The following GALNT13 variants were observed in gnomAD, a reference collection of about 807,000 sequenced individuals.
GALNT13 encodes polypeptide N-acetylgalactosaminyltransferase 13, also known as UDP-GalNAc:polypeptide N-acetylgalactosaminyltransferase 13.
In GALNT13, 28 loss-of-function variants were observed where a neutral mutation model predicts 64.2. That is an observed-to-expected ratio of 0.44 (90% CI 0.32 to 0.60). The LOEUF (loss-of-function observed/expected upper bound fraction) is 0.60, where lower values mean the gene tolerates loss of function less well. GALNT13 is among the 20% of genes least tolerant of loss of function. GALNT13 has a pLI of 0.05. For synonymous variants in GALNT13, 214 were observed against 224.6 expected (o/e 0.95, Z 0.42); for missense variants, 577 against 669.8 (o/e 0.86, Z 1.53).
At chr2:153,294,292 C>G in the GALNT13 span, among the ~76,000 whole-genome samples, 2 of 152,080 alleles carry the variant, frequency 1.3e-5, no homozygotes, top group Non-Finnish European at 2.9e-5. Flanking sequence ...CCAGGAGTCA[C>G]CTTGCTTCCT....
chr2:154,283,944 A>G (rs1316259489), intron 8 of GALNT13, among the ~76,000 whole-genome samples: 1 of 152,218 alleles, frequency 6.6e-6, no homozygotes, highest in Non-Finnish European at 1.5e-5. Flanking sequence ...TAGGGAGGAC[A>G]TAATAGGTAA....
the GALNT13 span, among the ~76,000 whole-genome samples, chr2:153,462,166 A>G: frequency 6.6e-6 from 1 of 152,010 alleles, no homozygotes; most frequent in Non-Finnish European, 1.5e-5. Flanking sequence ...AGCAGCATGC[A>G]CTTCTGTAAT....
the GALNT13 span, among the ~76,000 whole-genome samples, chr2:153,393,812 G>A: frequency 6.6e-6 from 1 of 152,000 alleles, no homozygotes; most frequent in Non-Finnish European, 1.5e-5. Context: ...GACTGCTCTT[G>A]TACTCAAGAT....
At chr2:153,333,146 C>T in the GALNT13 span, among the ~76,000 whole-genome samples, 3 of 152,252 alleles carry the variant, frequency 2.0e-5, no homozygotes, top group African/African-American at 7.2e-5. Context: ...GAATGGCCGA[C>T]TGTATGCACC....
the GALNT13 span, among the ~76,000 whole-genome samples, chr2:153,566,216 G>T: frequency 8.6e-4 from 131 of 152,072 alleles, 1 homozygote; most frequent in African/African-American, 3.1e-3. Flanking sequence ...TTATGATATG[G>T]CATGGTATAA....
At chr2:153,345,704 TCTTTCTCTCTTTCTG>T in the GALNT13 span, among the ~76,000 whole-genome samples, 7 of 123,906 alleles carry the variant, frequency 5.6e-5, no homozygotes, top group African/African-American at 1.8e-4. Flanking sequence ...TCTTTCTTTC[TCTTTCTCTCTTTCTG>T]TCCTTCCTTC....
chr2:153,622,222 ACACATACATACG>A, the GALNT13 span, among the ~76,000 whole-genome samples: 1 of 152,120 alleles, frequency 6.6e-6, no homozygotes, highest in Non-Finnish European at 1.5e-5. Context: ...TCTAACACAC[ACACATACATACG>A]CAGTGAACTT....
rs145166254 is a variant in GALNT13, at chr2:154,122,658, G to A, written c.143-17679G>A. Among the ~76,000 whole-genome samples, 1,065 of 151,938 alleles carry A rather than the reference G, an allele frequency of 7.0e-3. 11 individuals are homozygous for A. Among genetic ancestry groups the A allele is most frequent in the African/African-American group, 0.024 (982 of 41,510 alleles). On this transcript the variant is annotated intron_variant, in intron 3 of 12. Coordinates refer to ENST00000392825, the MANE Select transcript of GALNT13 (RefSeq NM_052917.4). ...CTTGTGTATTTTGGTAGTTTTGTGT[G>A]TTTTGATAGTTTTGTGTGTTTTGAT...
the GALNT13 span, among the ~76,000 whole-genome samples, chr2:153,250,253 C>T: frequency 2.1e-4 from 32 of 152,194 alleles, no homozygotes; most frequent in African/African-American, 5.5e-4. Context: ...GAAAAGAAGA[C>T]ATTTATGTGG....
chr2:153,497,384 C>G, the GALNT13 span, among the ~76,000 whole-genome samples: 2 of 152,034 alleles, frequency 1.3e-5, no homozygotes, highest in Non-Finnish European at 2.9e-5. Flanking sequence ...TCCCACAGTT[C>G]TTTATGTGTC....
intron 9 of GALNT13, among the ~76,000 whole-genome samples, chr2:154,328,513 T>C (rs1486808281): frequency 6.6e-6 from 1 of 152,148 alleles, no homozygotes; most frequent in Middle Eastern, 3.2e-3. Context: ...TCATGTTTTC[T>C]GGTGCATAGC....
the GALNT13 span, among the ~76,000 whole-genome samples, chr2:153,392,463 G>A: frequency 6.6e-6 from 1 of 152,002 alleles, no homozygotes; most frequent in Non-Finnish European, 1.5e-5. Context: ...CCTTAGTTGA[G>A]GATCTTTATA....
intron 3 of GALNT13, among the ~76,000 whole-genome samples, chr2:154,108,199 A>G (rs1444803776): frequency 1.3e-5 from 2 of 150,876 alleles, no homozygotes; most frequent in East Asian, 3.9e-4. Flanking sequence ...GTTTTCCATA[A>G]TAGCTGTAAT....
At chr2:153,083,825 G>C in the GALNT13 span, among the ~76,000 whole-genome samples, 1 of 152,152 alleles carries the variant, frequency 6.6e-6, no homozygotes, top group African/African-American at 2.4e-5. Flanking sequence ...CCAATGTCTT[G>C]AAGAGTTTTT....
At chr2:153,831,293 T>C in the GALNT13 span, among the ~76,000 whole-genome samples, 2 of 152,180 alleles carry the variant, frequency 1.3e-5, no homozygotes, top group African/African-American at 4.8e-5. Context: ...TGCTCCTTAA[T>C]GCTGGAGGTA....
At chr2:153,202,590 T>G in the GALNT13 span, among the ~76,000 whole-genome samples, 1 of 152,160 alleles carries the variant, frequency 6.6e-6, no homozygotes, top group East Asian at 1.9e-4. Context: ...GTGTGTGTGT[T>G]GAGAATGAGG....
At chr2:153,572,111 C>A in the GALNT13 span, among the ~76,000 whole-genome samples, 2 of 151,692 alleles carry the variant, frequency 1.3e-5, no homozygotes, top group East Asian at 3.9e-4. Flanking sequence ...GTTATCCCTT[C>A]GATCTCATTA....
the GALNT13 span, among the ~76,000 whole-genome samples, chr2:153,745,263 T>C: frequency 6.6e-6 from 1 of 152,146 alleles, no homozygotes; most frequent in Non-Finnish European, 1.5e-5. Flanking sequence ...TAAAAACAGG[T>C]TATGTACAAA....
At chr2:153,296,611 A>T in the GALNT13 span, among the ~76,000 whole-genome samples, 1 of 152,196 alleles carries the variant, frequency 6.6e-6, no homozygotes, top group Non-Finnish European at 1.5e-5. Flanking sequence ...AAGTGGCAGG[A>T]TATATTCCTG....
Sources: allele counts gnomAD v4.1 joint callset (sites outside exome capture counted in the v4.1 genomes callset), GRCh38; gene constraint gnomAD v4.1.1; transcripts MANE v1.5; gene names NCBI Gene and HGNC (gene_info 2026-07-23, HGNC 2026-07-21).